The following LEPR variants were observed in gnomAD, a reference collection of about 807,000 sequenced individuals.
The protein encoded by LEPR is leptin receptor.
In LEPR, 56 loss-of-function variants were observed where a neutral mutation model predicts 114.7. The ratio of observed to expected loss-of-function variants is 0.49; its 90% CI spans 0.39 to 0.61. The LOEUF is 0.61. LEPR is among the 20% of genes least tolerant of loss of function. The probability of loss-of-function intolerance (pLI) is 0.00; values close to 1 mark genes in which losing one functional copy is unlikely to be tolerated. For synonymous variants in LEPR, 443 were observed against 461.4 expected (o/e 0.96, Z 0.51); for missense variants, 1,202 against 1,352.9 (o/e 0.89, Z 1.75).
At chr1:65,547,732 A>G (rs1651883953) in intron 2 of LEPR, among the ~76,000 whole-genome samples, 1 of 140,762 alleles carries the variant, frequency 7.1e-6, no homozygotes, top group Non-Finnish European at 1.5e-5. Flanking sequence ...CGGTCTATCA[A>G]TTTTGTTGAT....
intron 10 of LEPR, among the ~76,000 whole-genome samples, chr1:65,602,506 G>T (rs1003902005): frequency 6.6e-6 from 1 of 151,928 alleles, no homozygotes; most frequent in Non-Finnish European, 1.5e-5. Flanking sequence ...GTTTTAAAAA[G>T]AATTCAAGGC....
At chr1:65,583,947 AT>A (rs977450198) in intron 5 of LEPR, among the ~76,000 whole-genome samples, 1 of 152,144 alleles carries the variant, frequency 6.6e-6, no homozygotes, top group South Asian at 2.1e-4. Context: ...TGCAAAATGC[AT>A]TTTTTGTAAA....
rs1654092264 is a variant in LEPR at position 65,570,696 on chromosome 1, C to T, written c.264C>T (p.His88=). Residue 88 remains histidine, a synonymous_variant, in exon 4 of 20, where the codon CAC becomes CAT. Coordinates refer to ENST00000349533, the MANE Select transcript of LEPR (RefSeq NM_002303.6). ...CTAACTTATCCAAAACAACTTTCCACTGTTGCTTTCGGAGTGAGCAAGATA... is the reference window on the plus strand; with the variant it reads ...CTAACTTATCCAAAACAACTTTCCATTGTTGCTTTCGGAGTGAGCAAGATA... ...HFSNLSKTTF[H]CCFRSEQDRN... The T allele has an allele frequency of 2.5e-6, 4 of 1,613,788 alleles. No homozygotes were observed. The highest frequency in any genetic ancestry group is 1.7e-6 in the Non-Finnish European group (2 of 1,179,772).
rs1375975398 is a variant in LEPR at position 65,639,671 on chromosome 1, AT to A, written c.*2660del. 3 of 152,204 alleles carry A rather than the reference AT, an allele frequency of 2.0e-5. No homozygotes were observed. Among genetic ancestry groups the A allele is most frequent in the African/African-American group, 7.2e-5 (3 of 41,456 alleles). 9.4% of individuals were successfully genotyped at this position (152,204 alleles called of 1,614,324 possible). A position where few individuals can be genotyped will look rare whatever the true frequency, so the allele number is the denominator to read the frequency against. ...ATAAATCTGGAATTTTTAATATTTC[AT>A]TTTAAGGCCTTAAACCGAAACACAA... On this transcript the variant is annotated 3_prime_UTR_variant, in exon 20 of 20. Transcript: ENST00000349533.
intron 19 of LEPR, among the ~76,000 whole-genome samples, chr1:65,623,803 C>G (rs1004109885): frequency 2.6e-5 from 4 of 152,150 alleles, no homozygotes; most frequent in Non-Finnish European, 4.4e-5. Flanking sequence ...TAATAGTACT[C>G]AAGGACCTCT....
chr1:65,604,653 T>A (rs1385915259), intron 10 of LEPR, among the ~76,000 whole-genome samples: 2 of 152,170 alleles, frequency 1.3e-5, no homozygotes, highest in African/African-American at 2.4e-5. Flanking sequence ...CCCCAGTCCC[T>A]GGGCCACGGA....
intron 2 of LEPR, among the ~76,000 whole-genome samples, chr1:65,456,006 C>G (rs995581829): frequency 2.0e-5 from 3 of 152,146 alleles, no homozygotes; most frequent in African/African-American, 7.2e-5. Context: ...TTAAGCCCGT[C>G]GGAAAAGCAC....
chr1:65,615,678 T>C (rs1657484370), intron 14 of LEPR, among the ~76,000 whole-genome samples: 1 of 152,234 alleles, frequency 6.6e-6, no homozygotes. Flanking sequence ...TCTCTAAAAT[T>C]AGAGTGAAAC....
intron 2 of LEPR, among the ~76,000 whole-genome samples, chr1:65,483,592 C>T (rs922278180): frequency 1.3e-5 from 2 of 152,156 alleles, no homozygotes; most frequent in African/African-American, 4.8e-5. Context: ...TTAAAATGCC[C>T]TACCAGGACT....
intron 2 of LEPR, among the ~76,000 whole-genome samples, chr1:65,543,981 T>C: frequency 6.6e-6 from 1 of 152,014 alleles, no homozygotes; most frequent in Non-Finnish European, 1.5e-5. Flanking sequence ...AAATTTAAAG[T>C]AGTTTTTAAA....
chr1:65,634,360 T>G (rs1570868946), intron 19 of LEPR: 2 of 974,758 alleles, frequency 2.1e-6, no homozygotes, highest in African/African-American at 3.5e-5. Context: ...ATGTAAAATC[T>G]AAGTATGAAA....
intron 5 of LEPR, among the ~76,000 whole-genome samples, chr1:65,584,975 G>A (rs1430702443): frequency 1.3e-5 from 2 of 151,642 alleles, no homozygotes; most frequent in Non-Finnish European, 1.5e-5. Flanking sequence ...CTACTTACTT[G>A]GCATTCAATA....
In LEPR at chr1:65,636,861, T is replaced by G; in HGVS notation, c.3344T>G (p.Val1115Gly). ...PAPCLFTDIR[V>G]LQDSCSHFVE... Reference sequence around the variant, plus strand: ...CCCTGTTTATTCACGGACATCAGAGTTCTCCAGGACAGTTGCTCACACTTT... The same window carrying G: ...CCCTGTTTATTCACGGACATCAGAGGTCTCCAGGACAGTTGCTCACACTTT... Residue 1115 changes from valine to glycine, a missense_variant, in exon 20 of 20, where the codon GTT becomes GGT. Val to Gly is a moderately radical substitution (Grantham distance 109, BLOSUM62 -3). Coordinates refer to ENST00000349533, the MANE Select transcript of LEPR (RefSeq NM_002303.6). 6.2e-7 allele frequency: 1 copy of G among 1,611,330 alleles called. No individual in the cohort carries two copies. Among genetic ancestry groups the G allele is most frequent in the Middle Eastern group, 1.7e-4 (1 of 6,046 alleles).
intron 2 of LEPR, among the ~76,000 whole-genome samples, chr1:65,486,955 CAT>C (rs976912701): frequency 6.6e-6 from 1 of 152,146 alleles, no homozygotes; most frequent in Non-Finnish European, 1.5e-5. Context: ...GAAACACACA[CAT>C]GTGCTGTTAT....
At chr1:65,615,320 C>T (rs1017059036) in intron 14 of LEPR, among the ~76,000 whole-genome samples, 1 of 152,166 alleles carries the variant, frequency 6.6e-6, no homozygotes, top group African/African-American at 2.4e-5. Flanking sequence ...ATGGGGTACA[C>T]TGTTAACCTC....
chr1:65,471,640 A>G (rs1647084587), intron 2 of LEPR, among the ~76,000 whole-genome samples: 1 of 152,182 alleles, frequency 6.6e-6, no homozygotes, highest in African/African-American at 2.4e-5. Flanking sequence ...ACAAACAGAG[A>G]ATCATGTTTT....
At chr1:65,575,575 G>A (rs1654527745) in intron 5 of LEPR, among the ~76,000 whole-genome samples, 1 of 151,320 alleles carries the variant, frequency 6.6e-6, no homozygotes, top group Non-Finnish European at 1.5e-5. Context: ...GCCTTCTGAA[G>A]TTAAACATAA....
In LEPR at chr1:65,506,384, TC is replaced by T. The variant is rs572462773; in HGVS notation, c.-20-59161del. Among the ~76,000 whole-genome samples, 46 of 152,238 alleles carry T rather than the reference TC, an allele frequency of 3.0e-4. No homozygotes were observed. The East Asian group carries it at 8.3e-3, about 27-fold the overall frequency. Reference sequence around the variant, plus strand: ...ATTTTACAGCACACTATGTTTTGAGTCTCAAAAACACACGTATTGCATTTCA... The same window carrying T: ...ATTTTACAGCACACTATGTTTTGAGTTCAAAAACACACGTATTGCATTTCA... On this transcript the variant is annotated intron_variant, in intron 2 of 19. Transcript: ENST00000349533.
intron 2 of LEPR, among the ~76,000 whole-genome samples, chr1:65,445,253 T>C (rs573774129): frequency 1.2e-3 from 177 of 152,322 alleles, no homozygotes; most frequent in South Asian, 5.0e-3. Flanking sequence ...AGATTGTAAA[T>C]GCTGCTCCTG....
Sources: allele counts gnomAD v4.1 joint callset (sites outside exome capture counted in the v4.1 genomes callset), GRCh38; gene constraint gnomAD v4.1.1; transcripts MANE v1.5; gene names NCBI Gene and HGNC (gene_info 2026-07-23, HGNC 2026-07-21).